ADGRG1: variants seen among roughly 807,000 people sequenced by gnomAD.
ADGRG1 encodes the protein 7-transmembrane protein with no EGF-like N-terminal domains-1.
ADGRG1 carries 53 observed loss-of-function variants against 73.5 expected under a neutral mutation model. The observed-to-expected ratio is 0.72, with a 90% CI of 0.58 to 0.91. The LOEUF (loss-of-function observed/expected upper bound fraction) is 0.91. Among genes scored for constraint, ADGRG1 ranks in the 40% least tolerant of loss-of-function variants. ADGRG1 has a pLI of 0.00. For synonymous variants in ADGRG1, 394 were observed against 374.4 expected (o/e 1.05, Z -0.60); for missense variants, 795 against 871.8 (o/e 0.91, Z 1.11).
chr16:57,622,641 CA>C (rs2035076531), intron 2 of ADGRG1: 1 of 340,726 alleles, frequency 2.9e-6, no homozygotes, highest in Non-Finnish European at 4.2e-6. Flanking sequence ...GCTCTGGGCT[CA>C]GGGGCTTCTG....
chr16:57,651,521 T>A lies in ADGRG1; in HGVS notation c.386T>A (p.Leu129Gln). The change falls in exon 3 of 14, where the codon CTG (leucine) becomes CAG (glutamine). Residue 129 changes from leucine to glutamine, a missense_variant. Leu to Gln is a moderately radical substitution (Grantham distance 113). Transcript: ENST00000562631. ...TGCTTCCAGCACCAGGAGGAGAGCC[T>A]GGCTCAGGGCCCCCCGCTGTTAGCC... The part of the protein sequence containing the change: ...LLCFQHQEES[L>Q]AQGPPLLATS... 1 of 1,614,232 alleles carries A rather than the reference T, an allele frequency of 6.2e-7. No individual in the cohort carries two copies. The highest frequency in any genetic ancestry group is 8.5e-7 in the Non-Finnish European group (1 of 1,180,034).
At chr16:57,626,228 T>A (rs886133727), upstream of ADGRG1, among the ~76,000 whole-genome samples, 1 of 152,184 alleles carries the variant, frequency 6.6e-6, no homozygotes, top group Non-Finnish European at 1.5e-5. Flanking sequence ...ATACAAGTGG[T>A]ACCCAACCCA....
chr16:57,635,160 T>G, intron 1 of ADGRG1: 1 of 985,272 alleles, frequency 1.0e-6, no homozygotes, highest in Non-Finnish European at 1.2e-6. Flanking sequence ...GGCTTGAACC[T>G]GAATAGGGGC....
chr16:57,634,923 T>G, intron 1 of ADGRG1: 1 of 983,624 alleles, frequency 1.0e-6, no homozygotes, highest in Non-Finnish European at 1.2e-6. Flanking sequence ...AGCCTGGCTG[T>G]CTGGCAAGGT....
At position 57,646,792 on chromosome 16, in the gene ADGRG1, G is replaced by A. The variant is rs116049825; in HGVS notation, c.-35-3461G>A. The A allele has an allele frequency of 2.2e-3, 1,835 of 827,158 alleles. 25 individuals carry two copies. The African/African-American group carries it at 0.031, about 14-fold the overall frequency. The allele number at this position is 827,158 out of a possible 1,614,324, so 51.2% of individuals were successfully genotyped here. A position where few individuals can be genotyped will look rare whatever the true frequency, so the allele number is the denominator to read the frequency against. The stretch of plus-strand genomic sequence containing the variant: ...CTGTAAAATGGTAGCAGTGAGACCC[G>A]TATCACAGGGTGGTTCTGAGGGTTT... On this transcript the variant is annotated intron_variant, in intron 1 of 13. Coordinates refer to ENST00000562631, the MANE Select transcript of ADGRG1 (RefSeq NM_201525.4).
chr16:57,638,731 G>T (rs1049618979), intron 1 of ADGRG1, among the ~76,000 whole-genome samples: 1 of 152,220 alleles, frequency 6.6e-6, no homozygotes, highest in African/African-American at 2.4e-5. Flanking sequence ...TCCAGCTACT[G>T]TTAGGCATAA....
intron 3 of ADGRG1, 90 bp from the exon 4 acceptor site, chr16:57,653,113 G>C: frequency 6.3e-7 from 1 of 1,595,010 alleles, no homozygotes; most frequent in Non-Finnish European, 8.5e-7. Flanking sequence ...GAGGCATTCA[G>C]AGTCATGTCA....
At chr16:57,627,190 AGCAGCCCTGG>A, upstream of ADGRG1, 1 of 617,374 alleles carries the variant, frequency 1.6e-6, no homozygotes, top group Non-Finnish European at 2.0e-6. Context: ...GTTCACCTGC[AGCAGCCCTGG>A]CTCCTAGGCT....
intron 1 of ADGRG1, chr16:57,647,772 TG>T: frequency 1.0e-6 from 1 of 983,168 alleles, no homozygotes; most frequent in Non-Finnish European, 1.2e-6. Flanking sequence ...TGAGGTGGAG[TG>T]GGGATGACTC....
intron 1 of ADGRG1, chr16:57,647,361 C>G (rs555726927): frequency 1.0e-6 from 1 of 981,364 alleles, no homozygotes; most frequent in Non-Finnish European, 1.2e-6. Context: ...GGGGGCCGTA[C>G]GGGAAGAGGG....
Position 57,655,407 on chromosome 16 carries a change from G to C in ADGRG1, c.777G>C (p.Gln259His). Residue 259 changes from glutamine to histidine, a missense_variant, in exon 6 of 14, where the codon CAG (glutamine) becomes CAC (histidine). Coordinates refer to ENST00000562631, the MANE Select transcript of ADGRG1 (RefSeq NM_201525.4). ...LHIHSRQEEE[Q>H]SEIMEYSVLL... ...TAAAGGGACCTCTGCAGGAGGAGCA[G>C]AGCGAGATCATGGAGTACTCGGTGC... is the stretch of plus-strand genomic sequence containing the variant. The C allele has an allele frequency of 1.9e-6, 3 of 1,613,374 alleles. No homozygotes were observed. Among genetic ancestry groups the C allele is most frequent in the Non-Finnish European group, 2.5e-6 (3 of 1,180,024 alleles).
intron 5 of ADGRG1, among the ~76,000 whole-genome samples, chr16:57,654,795 G>C (rs1426783174): frequency 6.6e-6 from 1 of 152,158 alleles, no homozygotes; most frequent in South Asian, 2.1e-4. Flanking sequence ...CAGGAGAATC[G>C]CTTGAACCCG....
At position 57,651,457 on chromosome 16, in the gene ADGRG1, C is replaced by T. The variant is rs145881545; in HGVS notation, c.322C>T (p.Arg108Cys). Residue 108 changes from arginine (R) to cysteine (C), a missense_variant, in exon 3 of 14, where the codon CGT becomes TGT. Coordinates refer to ENST00000562631, the MANE Select transcript of ADGRG1 (RefSeq NM_201525.4). Reference sequence around the variant, plus strand: ...GAGATTACATCTTCTCTATGGCAAGCGTGACTTCTTGCTGAGTGACAAAGC... The same window carrying T: ...GAGATTACATCTTCTCTATGGCAAGTGTGACTTCTTGCTGAGTGACAAAGC... Reference protein sequence around the residue: ...AGRLHLLYGKRDFLLSDKASS... With the variant: ...AGRLHLLYGKCDFLLSDKASS... The T allele has an allele frequency of 8.6e-5, 139 of 1,614,094 alleles. No homozygotes were observed. The highest frequency in any genetic ancestry group is 1.8e-4 in the Admixed American group (11 of 60,008).
upstream of ADGRG1, among the ~76,000 whole-genome samples, chr16:57,625,093 C>A (rs1431647775): frequency 1.3e-5 from 2 of 151,962 alleles, no homozygotes; most frequent in Admixed American, 6.5e-5. Flanking sequence ...TGCCCCCTCT[C>A]CTCTGTCCCT....
At chr16:57,661,195 A>T in intron 12 of ADGRG1, 2 of 717,494 alleles carry the variant, frequency 2.8e-6, no homozygotes, top group South Asian at 1.3e-4. Context: ...CTGTCTCCCC[A>T]TGCAGATGGG....
At chr16:57,651,851 TGTGGGCAGGC>T (rs2044180864) in intron 3 of ADGRG1, 5 of 1,441,658 alleles carry the variant, frequency 3.5e-6, no homozygotes, top group Admixed American at 5.1e-5. Flanking sequence ...ATGGTTACTT[TGTGGGCAGGC>T]AGGGGTGAGG....
At chr16:57,646,786 A>G (rs2148033025) in intron 1 of ADGRG1, 1 of 862,046 alleles carries the variant, frequency 1.2e-6, no homozygotes, top group Non-Finnish European at 1.4e-6. Context: ...GGTAGCAGTG[A>G]GACCCGTATC....
intron 1 of ADGRG1, chr16:57,644,963 C>A (rs1434432938): frequency 1.8e-6 from 1 of 553,600 alleles, no homozygotes; most frequent in Non-Finnish European, 2.3e-6. Context: ...ATCACACACT[C>A]ATGCATGGGC....
chr16:57,642,668 GA>G, intron 1 of ADGRG1: 1 of 984,304 alleles, frequency 1.0e-6, no homozygotes, highest in Non-Finnish European at 1.2e-6. Context: ...AGTGCTCCCT[GA>G]AAGTGCTTTG....
Sources: gnomAD v4.1 joint callset for allele counts (sites outside exome capture counted in the v4.1 genomes callset) on GRCh38, gnomAD v4.1.1 for gene constraint, MANE v1.5 for transcripts, NCBI Gene and HGNC (gene_info 2026-07-23, HGNC 2026-07-21) for gene names.